Variants in PABPC4L observed in about 807,000 individuals in gnomAD.
The protein encoded by PABPC4L is polyadenylate-binding protein 4-like.
For synonymous variants in PABPC4L, 169 were observed against 164.1 expected (o/e 1.03, Z -0.23); for missense variants, 452 against 451.4 (o/e 1.00, Z -0.01).
the PABPC4L span, among the ~76,000 whole-genome samples, chr4:134,011,388 GA>G: frequency 2.6e-5 from 4 of 151,582 alleles, no homozygotes; most frequent in African/African-American, 7.3e-5. Context: ...ATAGAATGCT[GA>G]AAAAAAATTC....
At chr4:134,141,327 C>T in the PABPC4L span, among the ~76,000 whole-genome samples, 1 of 150,330 alleles carries the variant, frequency 6.7e-6, no homozygotes. Flanking sequence ...AATTTATTCC[C>T]AGTAATAAAG....
chr4:134,190,017 C>T, the PABPC4L span, among the ~76,000 whole-genome samples: 3 of 152,080 alleles, frequency 2.0e-5, no homozygotes, highest in Non-Finnish European at 4.4e-5. Flanking sequence ...GGGAAAGCTC[C>T]GGAAAGTAAA....
chr4:134,185,799 C>G, the PABPC4L span, among the ~76,000 whole-genome samples: 1 of 152,146 alleles, frequency 6.6e-6, no homozygotes. Flanking sequence ...ATCGTCTCAA[C>G]CCAAAATCTC....
the PABPC4L span, among the ~76,000 whole-genome samples, chr4:134,107,496 G>A: frequency 7.7e-4 from 117 of 151,630 alleles, no homozygotes; most frequent in African/African-American, 2.7e-3. Flanking sequence ...CCAATGTACT[G>A]TATACATTAA....
chr4:134,200,490 T>A lies in PABPC4L; in HGVS notation c.530A>T (p.Asp177Val). The A allele has an allele frequency of 6.4e-7, 1 of 1,551,610 alleles. No homozygotes were observed. Among genetic ancestry groups the A allele is most frequent in the Non-Finnish European group, 8.7e-7 (1 of 1,146,974 alleles). ...TTTGCTTCTGAGTTCAGCTTCACGATCTTTTCGGTTTTTGAATCTGCCAAC... is the reference window on the plus strand; with the variant it reads ...TTTGCTTCTGAGTTCAGCTTCACGAACTTTTCGGTTTTTGAATCTGCCAAC... ...VFVGRFKNRKDREAELRSKAS... is the reference protein window; with the variant it reads ...VFVGRFKNRKVREAELRSKAS... Residue 177 changes from aspartate (D) to valine (V), a missense_variant, in exon 2 of 2, where the codon GAT (aspartate) becomes GTT (valine). Asp to Val is a radical substitution (Grantham distance 152). Coordinates refer to ENST00000421491, the MANE Select transcript of PABPC4L (RefSeq NM_001114734.2).
At chr4:134,058,943 A>G in the PABPC4L span, among the ~76,000 whole-genome samples, 1 of 152,036 alleles carries the variant, frequency 6.6e-6, no homozygotes, top group African/African-American at 2.4e-5. Flanking sequence ...ACTGAAATCT[A>G]AGTGTTAAAA....
chr4:133,992,083 C>T, the PABPC4L span, among the ~76,000 whole-genome samples: 1 of 152,106 alleles, frequency 6.6e-6, no homozygotes, highest in African/African-American at 2.4e-5. Flanking sequence ...GTGGCATGGA[C>T]TCTATTTGGG....
the PABPC4L span, among the ~76,000 whole-genome samples, chr4:134,003,951 A>G: frequency 6.6e-6 from 1 of 151,950 alleles, no homozygotes; most frequent in Non-Finnish European, 1.5e-5. Context: ...CACAGGCAAA[A>G]CACTGAAAGT....
the PABPC4L span, among the ~76,000 whole-genome samples, chr4:133,969,611 G>T: frequency 1.3e-5 from 2 of 152,164 alleles, no homozygotes; most frequent in East Asian, 3.9e-4. Flanking sequence ...CTGCATCAAT[G>T]TGGTCACAGA....
At chr4:134,082,131 G>A in the PABPC4L span, among the ~76,000 whole-genome samples, 1 of 152,138 alleles carries the variant, frequency 6.6e-6, no homozygotes, top group Admixed American at 6.6e-5. Context: ...TTTCTGACAT[G>A]ATTCAAAAAG....
the PABPC4L span, among the ~76,000 whole-genome samples, chr4:134,068,489 C>T: frequency 1.3e-5 from 2 of 152,032 alleles, no homozygotes; most frequent in Non-Finnish European, 2.9e-5. Context: ...CCACTCTGTG[C>T]CTTTTCATTG....
At chr4:133,949,625 A>C in the PABPC4L span, among the ~76,000 whole-genome samples, 1 of 152,204 alleles carries the variant, frequency 6.6e-6, no homozygotes, top group East Asian at 1.9e-4. Context: ...TATAATGAGT[A>C]CACCCTCATT....
chr4:134,082,925 T>A, the PABPC4L span, among the ~76,000 whole-genome samples: 3 of 152,144 alleles, frequency 2.0e-5, no homozygotes, highest in Non-Finnish European at 4.4e-5. Context: ...GTGAGTGTGA[T>A]CTAACTTCGG....
At chr4:133,962,860 A>G in the PABPC4L span, among the ~76,000 whole-genome samples, 1 of 152,336 alleles carries the variant, frequency 6.6e-6, no homozygotes, top group East Asian at 1.9e-4. Context: ...GGAGCTCTAA[A>G]TCTTGAAACA....
the PABPC4L span, among the ~76,000 whole-genome samples, chr4:134,176,726 C>G: frequency 1.3e-5 from 2 of 152,018 alleles, no homozygotes; most frequent in Non-Finnish European, 1.5e-5. Context: ...CATGTTTGGG[C>G]TCAACACGAA....
At chr4:134,099,269 A>T in the PABPC4L span, among the ~76,000 whole-genome samples, 1 of 151,840 alleles carries the variant, frequency 6.6e-6, no homozygotes, top group Non-Finnish European at 1.5e-5. Context: ...TCTAAAACAA[A>T]TATGACTCTT....
At chr4:133,993,279 C>T in the PABPC4L span, among the ~76,000 whole-genome samples, 1 of 152,156 alleles carries the variant, frequency 6.6e-6, no homozygotes, top group Middle Eastern at 3.4e-3. Flanking sequence ...TGAACACGTT[C>T]TACTGTGGCC....
the PABPC4L span, among the ~76,000 whole-genome samples, chr4:134,041,002 T>A: frequency 6.6e-6 from 1 of 152,082 alleles, no homozygotes; most frequent in African/African-American, 2.4e-5. Context: ...ATTAAAGAAA[T>A]GTAAATCAAA....
At chr4:134,026,104 C>T in the PABPC4L span, among the ~76,000 whole-genome samples, 2 of 152,012 alleles carry the variant, frequency 1.3e-5, no homozygotes, top group Non-Finnish European at 2.9e-5. Context: ...TTGTCTGTCA[C>T]CCTGGTGTTT....
Sources: gnomAD v4.1 joint callset for allele counts (sites outside exome capture counted in the v4.1 genomes callset) on GRCh38, gnomAD v4.1.1 for gene constraint, MANE v1.5 for transcripts, NCBI Gene and HGNC (gene_info 2026-07-23, HGNC 2026-07-21) for gene names.